Variants in ZNF385D observed in about 807,000 individuals in gnomAD.
ZNF385D encodes the protein zinc finger protein 659.
A neutral mutation model predicts 35.8 loss-of-function variants in ZNF385D; 15 were observed. The ratio of observed to expected loss-of-function variants is 0.42; its 90% CI spans 0.28 to 0.64. The LOEUF is 0.64. Ranked by LOEUF, ZNF385D falls within the 30% of genes least tolerant of loss-of-function variation. ZNF385D has a pLI of 0.23. For synonymous variants in ZNF385D, 212 were observed against 186.8 expected, an observed-to-expected ratio of 1.13 and a Z score of -1.10; for missense variants, 474 against 494.6, an observed-to-expected ratio of 0.96 and a Z score of 0.39.
chr3:21,576,615 T>G (rs2063503079), intron 2 of ZNF385D, among the ~76,000 whole-genome samples: 1 of 152,232 alleles, frequency 6.6e-6, no homozygotes, highest in African/African-American at 2.4e-5. Context: ...AACTCATCCA[T>G]GTGTGATATC....
chr3:21,840,002 G>C (rs775722903), intron 3 of ZNF385D, among the ~76,000 whole-genome samples: 2 of 151,912 alleles, frequency 1.3e-5, no homozygotes, highest in East Asian at 3.9e-4. Context: ...TTTATATTTA[G>C]GTAATTATTT....
rs535334830 is a variant in ZNF385D at position 22,342,692 on chromosome 3, C to G, written c.106+29758G>C. 8.5e-5 allele frequency among the ~76,000 whole-genome samples: 13 copies of G among 152,286 alleles called. No individual in the cohort carries two copies. The South Asian group carries it at 2.7e-3, about 32-fold the overall frequency. On this transcript the variant is annotated intron_variant, in intron 2 of 5. Coordinates refer to the ZNF385D transcript ENST00000494108. Reference sequence around the variant, plus strand: ...GTGCTGAACTACTGATTGTTACGTACTCTCCAGGGTGATTTTCCATGAATT... The same window carrying G: ...GTGCTGAACTACTGATTGTTACGTAGTCTCCAGGGTGATTTTCCATGAATT...
exon 3 of ZNF385D, chr3:22,168,853 T>TTAATCTCTTTTGATGTGA (rs1294651425): frequency 1.0e-6 from 1 of 985,778 alleles, no homozygotes; most frequent in East Asian, 1.1e-4. Context: ...CTGAGTTGTT[T>TTAATCTCTTTTGATGTGA]TAATCTCTTT....
intron 3 of ZNF385D, among the ~76,000 whole-genome samples, chr3:21,545,658 A>G (rs545528507): frequency 1.3e-5 from 2 of 152,236 alleles, no homozygotes; most frequent in South Asian, 2.1e-4. Flanking sequence ...AAAAACTGTT[A>G]TTTTATCAAG....
chr3:21,775,390 C>G (rs2071245185), intron 3 of ZNF385D, among the ~76,000 whole-genome samples: 1 of 151,320 alleles, frequency 6.6e-6, no homozygotes, highest in African/African-American at 2.4e-5. Context: ...ATTGCCTCTG[C>G]TAGCTAAAAA....
chr3:21,799,536 T>C (rs2072303980), intron 3 of ZNF385D, among the ~76,000 whole-genome samples: 1 of 152,192 alleles, frequency 6.6e-6, no homozygotes. Flanking sequence ...ACGTGATTTT[T>C]GACTTTTCAT....
rs952377001 is a variant in ZNF385D, at chr3:21,416,446, G to A, written c.*4768C>T. On this transcript the variant is annotated 3_prime_UTR_variant, in exon 8 of 8. Coordinates refer to ENST00000281523, the MANE Select transcript of ZNF385D (RefSeq NM_024697.3). Reference sequence around the variant, plus strand: ...GGCAGTAACAACCTTTAGGCCAAATGAGCATGACATGTCAACCTATCCGTC... The same window carrying A: ...GGCAGTAACAACCTTTAGGCCAAATAAGCATGACATGTCAACCTATCCGTC... 1 of 152,100 alleles carries A rather than the reference G, an allele frequency of 6.6e-6. No individual in the cohort carries two copies. The highest frequency in any genetic ancestry group is 1.5e-5 in the Non-Finnish European group (1 of 68,010). The allele number at this position is 152,100 out of a possible 1,614,324, so 9.4% of individuals were successfully genotyped here.
At chr3:21,570,078 T>A (rs1203892504) in intron 2 of ZNF385D, among the ~76,000 whole-genome samples, 1 of 149,234 alleles carries the variant, frequency 6.7e-6, no homozygotes, top group Non-Finnish European at 1.5e-5. Context: ...ATAAAAAAAA[T>A]TACACCTTAA....
chr3:22,332,191 C>T (rs983876061), intron 2 of ZNF385D, among the ~76,000 whole-genome samples: 1 of 152,012 alleles, frequency 6.6e-6, no homozygotes, highest in Non-Finnish European at 1.5e-5. Flanking sequence ...ATTGTTTTTG[C>T]CCAGCTCCTC....
intron 2 of ZNF385D, among the ~76,000 whole-genome samples, chr3:22,370,924 C>A (rs959826904): frequency 2.6e-5 from 4 of 152,190 alleles, no homozygotes; most frequent in African/African-American, 9.7e-5. Context: ...TTTCTCCTAA[C>A]ACAGACAACT....
At chr3:21,507,803 T>C (rs1295593182) in intron 4 of ZNF385D, among the ~76,000 whole-genome samples, 1 of 152,172 alleles carries the variant, frequency 6.6e-6, no homozygotes, top group African/African-American at 2.4e-5. Flanking sequence ...AAAAAGAACA[T>C]GTAATTGCTT....
intron 1 of ZNF385D, among the ~76,000 whole-genome samples, chr3:21,721,328 T>C (rs1317320208): frequency 1.3e-5 from 2 of 151,760 alleles, no homozygotes; most frequent in East Asian, 2.0e-4. Context: ...GACATTTCAT[T>C]TGATATGAAG....
At position 22,243,256 on chromosome 3, in the gene ZNF385D, A is replaced by G. The variant is rs1264998006; in HGVS notation, c.107-74221T>C. Among the ~76,000 whole-genome samples, 11 of 151,148 alleles carry G rather than the reference A, an allele frequency of 7.3e-5. 1 individual carries two copies. Among genetic ancestry groups the G allele is most frequent in the Admixed American group, 6.6e-4 (10 of 15,164 alleles). On this transcript the variant is annotated intron_variant, in intron 2 of 5. Coordinates refer to the ZNF385D transcript ENST00000494108. ...TCTCCAAGACATATATAAACAGCCA[A>G]TAAGCACATGAAAAGATGTTCAAAT...
chr3:21,483,292 T>C (rs1156582271), intron 4 of ZNF385D, among the ~76,000 whole-genome samples: 1 of 152,328 alleles, frequency 6.6e-6, no homozygotes, highest in East Asian at 1.9e-4. Flanking sequence ...CCTTGAGATC[T>C]ATCCAAATTA....
At chr3:21,421,684 C>T (rs1377288587) in intron 7 of ZNF385D, among the ~76,000 whole-genome samples, 1 of 152,178 alleles carries the variant, frequency 6.6e-6, no homozygotes, top group Non-Finnish European at 1.5e-5. Flanking sequence ...TAGAAAAGTA[C>T]TCAGCAACCT....
At chr3:22,217,766 T>A (rs1697983577) in intron 2 of ZNF385D, among the ~76,000 whole-genome samples, 1 of 152,070 alleles carries the variant, frequency 6.6e-6, no homozygotes, top group South Asian at 2.1e-4. Context: ...AGCAGAGAGC[T>A]GGAGAGATGA....
intron 2 of ZNF385D, among the ~76,000 whole-genome samples, chr3:22,312,175 C>G (rs1038916484): frequency 7.9e-5 from 12 of 152,120 alleles, no homozygotes; most frequent in African/African-American, 2.9e-4. Flanking sequence ...TATTATGATA[C>G]TCGTTTGGCT....
intron 3 of ZNF385D, among the ~76,000 whole-genome samples, chr3:22,011,169 C>T (rs968575132): frequency 4.6e-5 from 7 of 151,808 alleles, no homozygotes; most frequent in Admixed American, 1.3e-4. Context: ...TGAGAAAATT[C>T]CACTGTTTAT....
At chr3:21,997,146 A>C (rs1241252639) in intron 3 of ZNF385D, among the ~76,000 whole-genome samples, 1 of 152,180 alleles carries the variant, frequency 6.6e-6, no homozygotes, top group Non-Finnish European at 1.5e-5. Context: ...GGCACATATA[A>C]ACCATGGAAT....
Sources: gnomAD v4.1 joint callset for allele counts (sites outside exome capture counted in the v4.1 genomes callset) on GRCh38, gnomAD v4.1.1 for gene constraint, MANE v1.5 for transcripts, NCBI Gene and HGNC (gene_info 2026-07-23, HGNC 2026-07-21) for gene names.